The following ERP29 variants were observed in gnomAD, a reference collection of about 807,000 sequenced individuals.
The protein encoded by ERP29 is endoplasmic reticulum protein 29, also known as endoplasmic reticulum resident protein 29.
Under a neutral mutation model 21.7 loss-of-function variants are expected in ERP29, and 14 were observed. The observed-to-expected ratio is 0.64, with a 90% CI of 0.43 to 1.01. The LOEUF (loss-of-function observed/expected upper bound fraction) is 1.01, where lower values mean the gene tolerates loss of function less well. Among genes scored for constraint, ERP29 ranks in the 50% least tolerant of loss-of-function variants. ERP29 has a pLI of 0.00. For synonymous variants in ERP29, 129 were observed against 139.1 expected (o/e 0.93, Z 0.51); for missense variants, 286 against 327.3 (o/e 0.87, Z 0.97).
rs149494744 is a variant in ERP29 at position 112,013,590 on chromosome 12, A to C, written c.125A>C (p.Asp42Ala). ...GLHTKGALPL[D>A]TVTFYKVIPK... ...CACACCAAGGGCGCCCTTCCCCTGG[A>C]TACGGTCACTTTCTACAAGGTAACC... Residue 42 changes from aspartate (D) to alanine (A), a missense_variant, in exon 1 of 3, where the codon GAT becomes GCT. By Grantham distance (126) the Asp-to-Ala change is moderately radical (BLOSUM62 -2). Coordinates refer to ENST00000261735, the MANE Select transcript of ERP29 (RefSeq NM_006817.4). The C allele has an allele frequency of 4.4e-6, 7 of 1,602,102 alleles. No homozygotes were observed. The African/African-American group carries it at 6.8e-5, about 15-fold the overall frequency.
chr12:112,013,576 CG>C lies in ERP29; in HGVS notation c.112del (p.Ala38ProfsTer21). The C allele has an allele frequency of 6.2e-7, 1 of 1,607,428 alleles. No individual in the cohort carries two copies. The highest frequency in any genetic ancestry group is 8.5e-7 in the Non-Finnish European group (1 of 1,177,280). On this transcript the variant is annotated frameshift_variant, in exon 1 of 3. Coordinates refer to ENST00000261735, the MANE Select transcript of ERP29 (RefSeq NM_006817.4). LOFTEE classifies it high-confidence loss of function. ...GCGGCAGCGGCCTGCACACCAAGGG[CG>C]CCCTTCCCCTGGATACGGTCACTTT... ...HGGSGLHTKG[A>X]LPLDTVTFYK...
chr12:112,018,678 G>A (rs189091068), intron 1 of ERP29: 1 of 152,250 alleles, frequency 6.6e-6, no homozygotes, highest in Admixed American at 6.5e-5. Context: ...CAAAAGAGTG[G>A]AATACAGGTG....
At chr12:112,022,104 T>C (rs2078050841) in intron 2 of ERP29, 46 bp from the exon 3 acceptor site, 1 of 1,603,218 alleles carries the variant, frequency 6.2e-7, no homozygotes, top group Non-Finnish European at 8.5e-7. Flanking sequence ...TTTTCTGCCC[T>C]GAGTTCCTTA....
chr12:112,015,955 C>T (rs926643474), intron 1 of ERP29, among the ~76,000 whole-genome samples: 13 of 152,210 alleles, frequency 8.5e-5, no homozygotes, highest in Non-Finnish European at 1.9e-4. Flanking sequence ...ATCATTCGGG[C>T]TTAGGTTAAG....
chr12:112,021,326 T>C (rs763372121), intron 2 of ERP29, among the ~76,000 whole-genome samples: 9 of 152,144 alleles, frequency 5.9e-5, no homozygotes, highest in Non-Finnish European at 1.2e-4. Context: ...TCACGTAGCT[T>C]GCTCCAGGAC....
chr12:112,020,802 A>T (rs1175028258), intron 2 of ERP29, among the ~76,000 whole-genome samples: 1 of 152,208 alleles, frequency 6.6e-6, no homozygotes, highest in Non-Finnish European at 1.5e-5. Context: ...AGTGTTTTAC[A>T]TGTGTTTCAT....
intron 2 of ERP29, 69 bp from the exon 3 acceptor site, chr12:112,022,081 G>T: frequency 6.6e-7 from 1 of 1,509,922 alleles, no homozygotes; most frequent in Non-Finnish European, 9.1e-7. Flanking sequence ...AGTTCAGCTA[G>T]GTCCCATAGC....
intron 1 of ERP29, among the ~76,000 whole-genome samples, chr12:112,014,353 G>T (rs1477922655): frequency 1.3e-5 from 2 of 152,202 alleles, no homozygotes; most frequent in African/African-American, 4.8e-5. Flanking sequence ...AGGGATCCAG[G>T]TTGTGTGCTT....
At chr12:112,018,134 AT>A (rs974580208) in intron 1 of ERP29, among the ~76,000 whole-genome samples, 96 of 148,440 alleles carry the variant, frequency 6.5e-4, no homozygotes, top group African/African-American at 2.2e-3. Flanking sequence ...GCTTGACATA[AT>A]TTTTTTTTTC....
At chr12:112,019,652 T>C in intron 1 of ERP29, 104 bp from the exon 2 acceptor site, 1 of 1,322,718 alleles carries the variant, frequency 7.6e-7, no homozygotes, top group Non-Finnish European at 1.1e-6. Context: ...GCCTCCCTTG[T>C]GGGCTTGTTT....
At chr12:112,014,990 C>G (rs2136775424) in intron 1 of ERP29, 1 of 152,010 alleles carries the variant, frequency 6.6e-6, no homozygotes, top group South Asian at 2.1e-4. Context: ...TTGAGACCAG[C>G]CTGACCAACA....
chr12:112,021,360 A>G (rs1280826810), intron 2 of ERP29, among the ~76,000 whole-genome samples: 2 of 152,160 alleles, frequency 1.3e-5, no homozygotes, highest in East Asian at 3.9e-4. Flanking sequence ...AGCTGATGTC[A>G]CCTTCACAGG....
In ERP29 at chr12:112,013,622, G is replaced by C. The variant is rs1774820210; in HGVS notation, c.144+13G>C. On this transcript the variant is annotated intron_variant, in intron 1 of 2. Coordinates refer to ENST00000261735, the MANE Select transcript of ERP29 (RefSeq NM_006817.4). The stretch of plus-strand genomic sequence containing the variant: ...CACTTTCTACAAGGTAACCGGGGCG[G>C]GGGACGTCGCGCGCAGGTGCCGCCG... 2 of 1,540,408 alleles carry C rather than the reference G, an allele frequency of 1.3e-6. No homozygotes were observed. Among genetic ancestry groups the C allele is most frequent in the South Asian group, 2.4e-5 (2 of 83,876 alleles).
chr12:112,015,050 G>A (rs2077997938), intron 1 of ERP29: 1 of 152,040 alleles, frequency 6.6e-6, no homozygotes, highest in African/African-American at 2.4e-5. Context: ...TGGGCGTGGT[G>A]GTGGACACCT....
rs963494443 is a variant in ERP29, at chr12:112,023,312, A to G, written c.*660A>G. On this transcript the variant is annotated 3_prime_UTR_variant, in exon 3 of 3. Coordinates refer to ENST00000261735, the MANE Select transcript of ERP29 (RefSeq NM_006817.4). The stretch of plus-strand genomic sequence containing the variant: ...ACATAGCAAATTCTTAGTTTTACTG[A>G]TATATTCTGTGACTTGGATTTACAC... The G allele has an allele frequency of 6.6e-6, 1 of 152,226 alleles. No individual in the cohort carries two copies. Among genetic ancestry groups the G allele is most frequent in the Non-Finnish European group, 1.5e-5 (1 of 68,036 alleles). The allele number at this position is 152,226 out of a possible 1,614,324, so 9.4% of individuals were successfully genotyped here. A position where few individuals can be genotyped will look rare whatever the true frequency, so the allele number is the denominator to read the frequency against.
At chr12:112,021,593 G>A (rs1185048263) in intron 2 of ERP29, among the ~76,000 whole-genome samples, 4 of 135,972 alleles carry the variant, frequency 2.9e-5, no homozygotes, top group African/African-American at 5.9e-5. Context: ...GTGGGATCTC[G>A]GATCACTGCA....
rs1363935399 is a variant in ERP29, at chr12:112,018,321, T to G, written c.145-1435T>G. Among the ~76,000 whole-genome samples the G allele has an allele frequency of 4.0e-5, 6 of 151,804 alleles. No individual in the cohort carries two copies. In the East Asian group the frequency reaches 1.2e-3, roughly 29 times the overall value. ...TGTGCCACCATGACTGGCTAATTTT[T>G]TTTTTTTAAGCCAGCTATGTTGCCC... On this transcript the variant is annotated intron_variant, in intron 1 of 2. Transcript: ENST00000261735.
chr12:112,016,000 T>TC (rs149604161), intron 1 of ERP29, among the ~76,000 whole-genome samples: 2,006 of 152,294 alleles, frequency 0.013, 49 homozygotes, highest in African/African-American at 0.045. Context: ...TGATTTATCT[T>TC]CCCCCCAGTC....
chr12:112,017,420 G>A lies in ERP29; in HGVS notation c.145-2336G>A, dbSNP rs541973803. 1.2e-4 allele frequency among the ~76,000 whole-genome samples: 18 copies of A among 152,304 alleles called. No homozygotes were observed. In the East Asian group the frequency reaches 3.5e-3, roughly 29 times the overall value. The stretch of plus-strand genomic sequence containing the variant: ...GATGGTCTGATTGGAGGAGTCCCCA[G>A]TAGCAGGGGACATTTGAACTGAGCC... On this transcript the variant is annotated intron_variant, in intron 1 of 2. Transcript: ENST00000261735.
Sources: allele counts gnomAD v4.1 joint callset (sites outside exome capture counted in the v4.1 genomes callset), GRCh38; gene constraint gnomAD v4.1.1; transcripts MANE v1.5; gene names NCBI Gene and HGNC (gene_info 2026-07-23, HGNC 2026-07-21).